RAD9B: variants seen among roughly 807,000 people sequenced by gnomAD.
RAD9B encodes the protein RAD9 checkpoint clamp component B.
A neutral mutation model predicts 48.3 loss-of-function variants in RAD9B; 41 were observed. The observed-to-expected ratio is 0.85, with a 90% CI of 0.66 to 1.10. The LOEUF is 1.10. Among genes scored for constraint, RAD9B ranks in the 50% least tolerant of loss-of-function variants. The pLI is 0.00. For synonymous variants in RAD9B, 160 were observed against 157.9 expected, an observed-to-expected ratio of 1.01 and a Z score of -0.10; for missense variants, 444 against 485.1, an observed-to-expected ratio of 0.92 and a Z score of 0.80.
At chr12:110,523,419 A>G (rs773214103) in intron 10 of RAD9B, among the ~76,000 whole-genome samples, 1 of 152,106 alleles carries the variant, frequency 6.6e-6, no homozygotes, top group Non-Finnish European at 1.5e-5. Context: ...AGAGTGAGAC[A>G]CTGTTTCTTA....
intron 6 of RAD9B, among the ~76,000 whole-genome samples, chr12:110,517,361 ATGCCTG>A (rs1037483056): frequency 6.6e-6 from 1 of 151,924 alleles, no homozygotes; most frequent in Non-Finnish European, 1.5e-5. Context: ...GTGGTGGCTC[ATGCCTG>A]TAATCCCAGA....
At position 110,517,818 on chromosome 12, in the gene RAD9B, A is replaced by G. The variant is rs368003905; in HGVS notation, c.596-858A>G. ...TAATTATAAAAATGTGCTTATTGAC[A>G]TGGAAAAATAGCCAAGATATATTGA... is the stretch of plus-strand genomic sequence containing the variant. On this transcript the variant is annotated intron_variant, in intron 6 of 10. Coordinates refer to ENST00000409300, the MANE Select transcript of RAD9B (RefSeq NM_001286535.2). Among the ~76,000 whole-genome samples the G allele has an allele frequency of 1.3e-4, 20 of 151,976 alleles. No individual in the cohort carries two copies. The South Asian group carries it at 3.7e-3, about 28-fold the overall frequency.
chr12:110,515,195 T>G (rs375583606), intron 6 of RAD9B, 39 bp downstream of exon 6: 90 of 1,041,606 alleles, frequency 8.6e-5, no homozygotes, highest in South Asian at 7.0e-5. Flanking sequence ...GATGGGTTAT[T>G]ACTTCCTGTC....
chr12:110,521,555 C>CTTTTT (rs577675171), intron 9 of RAD9B, among the ~76,000 whole-genome samples: 1 of 126,610 alleles, frequency 7.9e-6, no homozygotes, highest in South Asian at 2.5e-4. Flanking sequence ...AAACATAATT[C>CTTTTT]TTTTTTTTTT....
rs1325812138 is a variant in RAD9B at position 110,531,215 on chromosome 12, C to T, written c.*562C>T. On this transcript the variant is annotated 3_prime_UTR_variant, in exon 11 of 11. Coordinates refer to ENST00000409300, the MANE Select transcript of RAD9B (RefSeq NM_001286535.2). ...GTCACTTTCACTTGGCTTTTTTAGA[C>T]GGAGTCTCACTTTGTCACTCAGGCT... 4.4e-6 allele frequency: 4 copies of T among 899,288 alleles called. No individual in the cohort carries two copies. The highest frequency in any genetic ancestry group is 4.1e-5 in the South Asian group (1 of 24,608). 55.7% of individuals were successfully genotyped at this position (899,288 alleles called of 1,614,324 possible).
At chr12:110,503,371 T>C (rs962776648) in intron 1 of RAD9B, 7 of 165,966 alleles carry the variant, frequency 4.2e-5, no homozygotes, top group African/African-American at 1.4e-4. Context: ...AGATGTATGT[T>C]GGATACCCCT....
chr12:110,529,599 A>G (rs1414516373), intron 10 of RAD9B, among the ~76,000 whole-genome samples: 1 of 152,138 alleles, frequency 6.6e-6, no homozygotes, highest in Non-Finnish European at 1.5e-5. Flanking sequence ...GAAAAAAAAA[A>G]AAAGGCTGCG....
rs1593099344 is a variant in RAD9B, at chr12:110,522,308, G to A, written c.1022G>A (p.Cys341Tyr). 6.2e-7 allele frequency: 1 copy of A among 1,613,722 alleles called. No homozygotes were observed. Among genetic ancestry groups the A allele is most frequent in the African/African-American group, 1.3e-5 (1 of 75,044 alleles). ...ACAAACATATCTGCATTGGAAAACTGTGGCAGCCCTGCAATGAAAAGAGTG... is the reference window on the plus strand; with the variant it reads ...ACAAACATATCTGCATTGGAAAACTATGGCAGCCCTGCAATGAAAAGAGTG... Reference protein sequence around the residue: ...TLTNISALENCGSPAMKRVDG... With the variant: ...TLTNISALENYGSPAMKRVDG... The change falls in exon 10 of 11, where the codon TGT becomes TAT. Residue 341 changes from cysteine to tyrosine, a missense_variant. Transcript: ENST00000409300.
In RAD9B at chr12:110,502,368, G is replaced by C. The variant is rs1398079605; in HGVS notation, c.31G>C (p.Gly11Arg). The change falls in exon 1 of 11, where the codon GGC (glycine) becomes CGC (arginine). Residue 11 changes from glycine to arginine, a missense_variant. By Grantham distance (125) the Gly-to-Arg change is moderately radical. Coordinates refer to ENST00000409300, the MANE Select transcript of RAD9B (RefSeq NM_001286535.2). ...AGCCATGCTGAAGTGCGTGATGAGC[G>C]GCAGTCAGGTGAAAGGTGGAGCGGC... is the stretch of plus-strand genomic sequence containing the variant. MAAMLKCVMS[G>R]SQVKVFGKAV... The C allele has an allele frequency of 6.2e-7, 1 of 1,613,830 alleles. No homozygotes were observed. Among genetic ancestry groups the C allele is most frequent in the Non-Finnish European group, 8.5e-7 (1 of 1,179,836 alleles).
chr12:110,512,987 A>G, intron 5 of RAD9B, 109 bp downstream of exon 5: 5 of 611,838 alleles, frequency 8.2e-6, no homozygotes, highest in African/African-American at 2.0e-5. Flanking sequence ...TTTTTTTTAT[A>G]TGGAGTCTCG....
rs577571218 is a variant in RAD9B, at chr12:110,525,776, T to A, written c.1125+3365T>A. 5.8e-4 allele frequency among the ~76,000 whole-genome samples: 89 copies of A among 152,294 alleles called. 1 individual carries two copies. The highest frequency in any genetic ancestry group is 2.1e-3 in the African/African-American group (88 of 41,560). On this transcript the variant is annotated intron_variant, in intron 10 of 10. Transcript: ENST00000409300. ...CATGATCTTGGCTCACTGCAACCTC[T>A]GCCACTCGGGTTCAAGTGATTCTCC...
chr12:110,528,019 A>G (rs1175406435), intron 10 of RAD9B, among the ~76,000 whole-genome samples: 1 of 152,210 alleles, frequency 6.6e-6, no homozygotes, highest in African/African-American at 2.4e-5. Flanking sequence ...AGGGGAGGCT[A>G]GAGTGCTTGG....
intron 10 of RAD9B, among the ~76,000 whole-genome samples, chr12:110,526,631 C>T (rs905264781): frequency 4.0e-5 from 6 of 151,504 alleles, no homozygotes; most frequent in East Asian, 2.0e-4. Flanking sequence ...TCCAATTGGT[C>T]GGGCACGGTG....
chr12:110,528,930 C>T (rs538184807), intron 10 of RAD9B, among the ~76,000 whole-genome samples: 194 of 152,116 alleles, frequency 1.3e-3, no homozygotes, highest in Non-Finnish European at 7.5e-4. Flanking sequence ...GTTTCACCAT[C>T]TTGCTCAGGC....
chr12:110,508,182 C>T (rs1430888531), intron 4 of RAD9B: 4 of 169,198 alleles, frequency 2.4e-5, no homozygotes, highest in Non-Finnish European at 5.9e-5. Flanking sequence ...AGTTTTGGGA[C>T]AGTGCATAAG....
At chr12:110,502,688 T>C (rs551454117) in intron 1 of RAD9B, 14 of 313,348 alleles carry the variant, frequency 4.5e-5, no homozygotes, top group African/African-American at 2.8e-4. Flanking sequence ...AAAATAATGC[T>C]TGGACAGTAA....
rs1486229555 is a variant in RAD9B at position 110,533,088 on chromosome 12, G to A, written c.*2435G>A. Reference sequence around the variant, plus strand: ...GAATTTCTGAGGAAGCTAAACTGATGTAGTGAAGCAGCTGGAGCCAGTTAA... The same window carrying A: ...GAATTTCTGAGGAAGCTAAACTGATATAGTGAAGCAGCTGGAGCCAGTTAA... On this transcript the variant is annotated 3_prime_UTR_variant, in exon 11 of 11. Transcript: ENST00000409300. Among the ~76,000 whole-genome samples the A allele has an allele frequency of 6.6e-6, 1 of 152,190 alleles. No homozygotes were observed.
At chr12:110,523,125 A>G (rs2135721387) in intron 10 of RAD9B, among the ~76,000 whole-genome samples, 1 of 152,318 alleles carries the variant, frequency 6.6e-6, no homozygotes, top group South Asian at 2.1e-4. Context: ...AGCAAAAATA[A>G]TATTTTTGAA....
At position 110,505,652 on chromosome 12, in the gene RAD9B, A is replaced by G. The variant is rs1313415617; in HGVS notation, c.153A>G (p.Ala51=). ...ALRCVNSSRS[A]YGCVLFSPVF... is the part of the protein sequence containing the mutation. ...GATGTGTGAATTCTTCTCGGTCAGC[A>G]TATGGATGTGTCCTGTTCTCTCCTG... The change falls in exon 3 of 11, where the codon GCA becomes GCG. Residue 51 remains alanine (A), a synonymous_variant. Coordinates refer to ENST00000409300, the MANE Select transcript of RAD9B (RefSeq NM_001286535.2). 1.9e-6 allele frequency: 3 copies of G among 1,573,584 alleles called. No individual in the cohort carries two copies. The highest frequency in any genetic ancestry group is 2.3e-5 in the South Asian group (2 of 86,018).
Sources: gnomAD v4.1 joint callset for allele counts (sites outside exome capture counted in the v4.1 genomes callset) on GRCh38, gnomAD v4.1.1 for gene constraint, MANE v1.5 for transcripts, NCBI Gene and HGNC (gene_info 2026-07-23, HGNC 2026-07-21) for gene names.